Variants in CRIPT observed in about 807,000 individuals in gnomAD.
CRIPT encodes the protein cysteine-rich PDZ-binding protein.
A neutral mutation model predicts 16.6 loss-of-function variants in CRIPT; 20 were observed. That is an observed-to-expected ratio of 1.20 (90% CI 0.85 to 1.75). CRIPT has a LOEUF of 1.75. CRIPT is among the 40% of genes most tolerant of loss of function. The pLI, the probability that CRIPT is intolerant of heterozygous loss-of-function variation, is 0.00. For synonymous variants in CRIPT, 42 were observed against 37.0 expected, an observed-to-expected ratio of 1.14 and a Z score of -0.49; for missense variants, 133 against 115.3, an observed-to-expected ratio of 1.15 and a Z score of -0.70.
At chr2:46,617,433 C>G (rs757356372) in intron 1 of CRIPT, 135 bp downstream of exon 1, 22 of 1,016,710 alleles carry the variant, frequency 2.2e-5, no homozygotes, top group Non-Finnish European at 3.0e-5. Context: ...TCTACCCTAC[C>G]CTTTGACCAT....
intron 3 of CRIPT, among the ~76,000 whole-genome samples, chr2:46,623,508 C>T (rs994533558): frequency 1.3e-4 from 20 of 152,114 alleles, no homozygotes; most frequent in Admixed American, 7.9e-4. Flanking sequence ...ATGACAGATA[C>T]GACTGATATG....
Position 46,627,632 on chromosome 2 carries a change from A to G in CRIPT, c.*3405A>G, listed in dbSNP as rs1368796019. On this transcript the variant is annotated 3_prime_UTR_variant, in exon 5 of 5. Coordinates refer to ENST00000238892, the MANE Select transcript of CRIPT (RefSeq NM_014171.6). ...GCTAATTTTTCTATTTTTAGTAGGA[A>G]TGGGGTTTTACCATGTTGGCCAGGC... 6.6e-6 allele frequency among the ~76,000 whole-genome samples: 1 copy of G among 151,994 alleles called. No homozygotes were observed. Among genetic ancestry groups the G allele is most frequent in the East Asian group, 1.9e-4 (1 of 5,190 alleles).
intron 3 of CRIPT, among the ~76,000 whole-genome samples, chr2:46,621,896 T>A (rs1670813844): frequency 6.6e-6 from 1 of 152,222 alleles, no homozygotes; most frequent in African/African-American, 2.4e-5. Context: ...GATTTTATGC[T>A]TTTATATACT....
Position 46,629,469 on chromosome 2 carries a change from C to T in CRIPT, c.*5242C>T, listed in dbSNP as rs999487219. 3.3e-5 allele frequency among the ~76,000 whole-genome samples: 5 copies of T among 152,132 alleles called. No homozygotes were observed. The highest frequency in any genetic ancestry group is 7.4e-5 in the Non-Finnish European group (5 of 68,024). On this transcript the variant is annotated 3_prime_UTR_variant, in exon 5 of 5. Coordinates refer to ENST00000238892, the MANE Select transcript of CRIPT (RefSeq NM_014171.6). ...AATTTTTTTCAGCTCCACGATCCAGCCTAGGATCATATGTTGTATTGCCAT... is the reference window on the plus strand; with the variant it reads ...AATTTTTTTCAGCTCCACGATCCAGTCTAGGATCATATGTTGTATTGCCAT...
At position 46,618,749 on chromosome 2, in the gene CRIPT, C is replaced by G. The variant is rs777263364; in HGVS notation, c.17-24C>G. On this transcript the variant is annotated intron_variant, in intron 1 of 4. Transcript: ENST00000238892. The stretch of plus-strand genomic sequence containing the variant: ...TTATTAAATAATAAAGTTTAATTTT[C>G]CTTTTACTATCTTGTTCTAACAGGT... 11 of 1,498,126 alleles carry G rather than the reference C, an allele frequency of 7.3e-6. No individual in the cohort carries two copies. The South Asian group carries it at 1.3e-4, about 18-fold the overall frequency. The allele number at this position is 1,498,126 out of a possible 1,614,324, so 92.8% of individuals were successfully genotyped here. A position where few individuals can be genotyped will look rare whatever the true frequency, so the allele number is the denominator to read the frequency against.
At position 46,624,294 on chromosome 2, in the gene CRIPT, A is replaced by T. The variant is rs945326670; in HGVS notation, c.*67A>T. On this transcript the variant is annotated 3_prime_UTR_variant, in exon 5 of 5. Coordinates refer to ENST00000238892, the MANE Select transcript of CRIPT (RefSeq NM_014171.6). ...TCTGCCTTGAATTTTCAAGGCATAG[A>T]TGTCAACTTACAGAATAACATGTTT... is the stretch of plus-strand genomic sequence containing the variant. The T allele has an allele frequency of 3.0e-6, 3 of 984,670 alleles. No individual in the cohort carries two copies. In the African/African-American group the frequency reaches 4.9e-5, roughly 16 times the overall value. 61.0% of individuals were successfully genotyped at this position (984,670 alleles called of 1,614,324 possible).
At chr2:46,622,173 T>C (rs914438002) in intron 3 of CRIPT, among the ~76,000 whole-genome samples, 3 of 151,194 alleles carry the variant, frequency 2.0e-5, no homozygotes, top group Non-Finnish European at 3.0e-5. Context: ...ATCGAGACCA[T>C]CCTGGCTAAC....
Position 46,619,648 on chromosome 2 carries a change from A to G in CRIPT, c.104A>G (p.Asn35Ser), listed in dbSNP as rs760265417. 1.1e-5 allele frequency: 17 copies of G among 1,611,942 alleles called. No homozygotes were observed. Among genetic ancestry groups the G allele is most frequent in the Non-Finnish European group, 1.3e-5 (15 of 1,178,872 alleles). Residue 35 changes from asparagine (N) to serine (S), a missense_variant, in exon 3 of 5, where the codon AAT becomes AGT. Transcript: ENST00000238892. ...ACAGAAAGTGGTGGAAGAAAGCTGA[A>G]TGAAAATAAAGCTTTGACTTCAAAA... ...NTTESGGRKL[N>S]ENKALTSKKA...
At chr2:46,623,951 T>A in intron 4 of CRIPT, 84 bp downstream of exon 4, 1 of 951,538 alleles carries the variant, frequency 1.1e-6, no homozygotes, top group Non-Finnish European at 1.6e-6. Flanking sequence ...ATGTAGCCTG[T>A]CATAAATTCT....
At chr2:46,619,553 A>G in intron 2 of CRIPT, 74 bp from the exon 3 acceptor site, 2 of 1,000,438 alleles carry the variant, frequency 2.0e-6, no homozygotes, top group Non-Finnish European at 2.9e-6. Context: ...TAGAAAGTCA[A>G]GGAATGAACT....
intron 3 of CRIPT, among the ~76,000 whole-genome samples, chr2:46,620,708 ATAT>A (rs1204026198): frequency 2.8e-4 from 41 of 147,332 alleles, no homozygotes; most frequent in Non-Finnish European, 5.1e-4. Context: ...ATATGTAATA[ATAT>A]TATTATATAT....
chr2:46,619,337 G>A (rs374685832), intron 2 of CRIPT, among the ~76,000 whole-genome samples: 7 of 151,998 alleles, frequency 4.6e-5, no homozygotes, highest in East Asian at 3.9e-4. Context: ...CAAGGTCTAT[G>A]ACACTGATAT....
chr2:46,618,458 C>G (rs973629527), intron 1 of CRIPT, among the ~76,000 whole-genome samples: 1 of 152,176 alleles, frequency 6.6e-6, no homozygotes, highest in Non-Finnish European at 1.5e-5. Flanking sequence ...TTTCTCAGCA[C>G]TTTGTATAGT....
chr2:46,623,404 A>T (rs1350420986), intron 3 of CRIPT, among the ~76,000 whole-genome samples: 2 of 152,206 alleles, frequency 1.3e-5, no homozygotes, highest in Admixed American at 1.3e-4. Flanking sequence ...ATTCCTAGTC[A>T]TCCTAAAATA....
At position 46,628,933 on chromosome 2, in the gene CRIPT, A is replaced by G. The variant is rs1558721630; in HGVS notation, c.*4706A>G. On this transcript the variant is annotated 3_prime_UTR_variant, in exon 5 of 5. Transcript: ENST00000238892. ...TTTAAAAACAAGGAATTAAAGCCAA[A>G]CCTAACTTTTATCAAAATAAATGTA... 6.6e-6 allele frequency among the ~76,000 whole-genome samples: 1 copy of G among 152,230 alleles called. No homozygotes were observed. Among genetic ancestry groups the G allele is most frequent in the Non-Finnish European group, 1.5e-5 (1 of 68,036 alleles).
Position 46,628,320 on chromosome 2 carries a change from C to A in CRIPT, c.*4093C>A, listed in dbSNP as rs1264195492. 4.6e-5 allele frequency among the ~76,000 whole-genome samples: 7 copies of A among 151,992 alleles called. No homozygotes were observed. The highest frequency in any genetic ancestry group is 1.7e-4 in the African/African-American group (7 of 41,376). Reference sequence around the variant, plus strand: ...AGAGATGGGGTTTCATCATCTTAGCCAGGCTGGTCTTGAACTCCTGACGTT... The same window carrying A: ...AGAGATGGGGTTTCATCATCTTAGCAAGGCTGGTCTTGAACTCCTGACGTT... On this transcript the variant is annotated 3_prime_UTR_variant, in exon 5 of 5. Coordinates refer to ENST00000238892, the MANE Select transcript of CRIPT (RefSeq NM_014171.6).
rs1017789758 is a variant in CRIPT, at chr2:46,624,633, A to G, written c.*406A>G. Reference sequence around the variant, plus strand: ...CCCCTCACTCCCTTGCTGGTGTCATAGTTATTAGAATCAGCAGCCTCTTAA... The same window carrying G: ...CCCCTCACTCCCTTGCTGGTGTCATGGTTATTAGAATCAGCAGCCTCTTAA... On this transcript the variant is annotated 3_prime_UTR_variant, in exon 5 of 5. Transcript: ENST00000238892. 1.3e-5 allele frequency: 2 copies of G among 153,212 alleles called. No individual in the cohort carries two copies. The highest frequency in any genetic ancestry group is 2.9e-5 in the Non-Finnish European group (2 of 68,722). 9.5% of individuals were successfully genotyped at this position (153,212 alleles called of 1,614,324 possible).
Position 46,617,215 on chromosome 2 carries a change from G to C in CRIPT, c.-68G>C, listed in dbSNP as rs1195865967. 2 of 1,548,090 alleles carry C rather than the reference G, an allele frequency of 1.3e-6. No individual in the cohort carries two copies. The highest frequency in any genetic ancestry group is 1.7e-6 in the Non-Finnish European group (2 of 1,144,556). On this transcript the variant is annotated 5_prime_UTR_variant, in exon 1 of 5. Transcript: ENST00000238892. The stretch of plus-strand genomic sequence containing the variant: ...CCCGGAAGGGGAATACTTCCAAGTT[G>C]TAGTGTTGTTGTTTTCAGCCTGCTG...
chr2:46,617,587 AC>A (rs892676394), intron 1 of CRIPT, among the ~76,000 whole-genome samples: 34 of 152,082 alleles, frequency 2.2e-4, no homozygotes, highest in African/African-American at 8.2e-4. Flanking sequence ...GTGCAGTTAA[AC>A]CCCAACGACA....
Sources: allele counts gnomAD v4.1 joint callset (sites outside exome capture counted in the v4.1 genomes callset), GRCh38; gene constraint gnomAD v4.1.1; transcripts MANE v1.5; gene names NCBI Gene and HGNC (gene_info 2026-07-23, HGNC 2026-07-21).